The following MAST4 variants were observed in gnomAD, a reference collection of about 807,000 sequenced individuals.
MAST4 encodes microtubule associated serine/threonine kinase family member 4.
Under a neutral mutation model 162.7 loss-of-function variants are expected in MAST4, and 89 were observed. The observed-to-expected ratio is 0.55, with a 90% confidence interval of 0.46 to 0.65. The LOEUF is 0.65. Among genes scored for constraint, MAST4 ranks in the 30% least tolerant of loss-of-function variants. The probability of loss-of-function intolerance (pLI) is 0.00; values close to 1 mark genes in which losing one functional copy is unlikely to be tolerated. For missense variants in MAST4, 3,153 were observed against 3,374.0 expected, an observed-to-expected ratio of 0.93 and a Z score of 1.62; for synonymous variants, 1,479 against 1,361.1, an observed-to-expected ratio of 1.09 and a Z score of -1.91.
intron 2 of MAST4, 63 bp from the exon 3 acceptor site, chr5:66,788,607 C>CCAAAAAAAA: frequency 2.2e-6 from 3 of 1,373,718 alleles, no homozygotes; most frequent in Non-Finnish European, 2.0e-6. Context: ...CCCCCACCCC[C>CCAAAAAAAA]ATTGCAATAA....
chr5:67,031,065 AT>A (rs1400672567), intron 4 of MAST4, among the ~76,000 whole-genome samples: 3 of 152,104 alleles, frequency 2.0e-5, no homozygotes, highest in African/African-American at 7.2e-5. Flanking sequence ...CACATAGGAT[AT>A]TTTTTTCCTA....
chr5:66,995,424 GAC>G (rs1750518047), intron 4 of MAST4, among the ~76,000 whole-genome samples: 1 of 152,094 alleles, frequency 6.6e-6, no homozygotes, highest in Non-Finnish European at 1.5e-5. Context: ...TTGTTTTTGA[GAC>G]AGAGTCTCAC....
chr5:66,924,699 A>T (rs1350552175), intron 4 of MAST4, among the ~76,000 whole-genome samples: 1 of 152,194 alleles, frequency 6.6e-6, no homozygotes, highest in Non-Finnish European at 1.5e-5. Context: ...GGCCTGTAGA[A>T]AATAATTTAA....
intron 4 of MAST4, among the ~76,000 whole-genome samples, chr5:66,971,381 G>T (rs920067745): frequency 1.7e-4 from 26 of 152,198 alleles, no homozygotes; most frequent in African/African-American, 6.3e-4. Flanking sequence ...CTCAGCCTGG[G>T]CCAGCCTGCT....
chr5:66,661,057 T>C (rs183595861), intron 1 of MAST4, among the ~76,000 whole-genome samples: 116 of 152,308 alleles, frequency 7.6e-4, no homozygotes, highest in African/African-American at 2.4e-3. Flanking sequence ...GGGAGAGTAG[T>C]ATTTCCTCTG....
intron 4 of MAST4, among the ~76,000 whole-genome samples, chr5:67,019,726 G>T (rs561788845): frequency 2.0e-5 from 3 of 152,246 alleles, no homozygotes; most frequent in Non-Finnish European, 4.4e-5. Flanking sequence ...AAACTCTAAA[G>T]ATGTGAAGAA....
intron 3 of MAST4, chr5:66,792,453 A>G (rs943485284): frequency 6.1e-6 from 1 of 164,788 alleles, no homozygotes; most frequent in African/African-American, 2.4e-5. Context: ...TTTACTTTCT[A>G]CTTTTCACTG....
chr5:66,601,824 A>G (rs146278826), intron 1 of MAST4, among the ~76,000 whole-genome samples: 1 of 152,248 alleles, frequency 6.6e-6, no homozygotes, highest in East Asian at 1.9e-4. Context: ...ACATGATCAG[A>G]TTTGTATTTT....
intron 3 of MAST4, among the ~76,000 whole-genome samples, chr5:66,846,611 C>A (rs961653729): frequency 6.6e-6 from 1 of 152,056 alleles, no homozygotes; most frequent in African/African-American, 2.4e-5. Context: ...GTATGTAATT[C>A]TATCAGAAGA....
rs1026105608 is a variant in MAST4, at chr5:67,039,987, G to A, written c.675-14417G>A. 1.8e-3 allele frequency among the ~76,000 whole-genome samples: 266 copies of A among 150,210 alleles called. 1 individual carries two copies. Among genetic ancestry groups the A allele is most frequent in the African/African-American group, 6.2e-3 (254 of 41,032 alleles). Reference sequence around the variant, plus strand: ...TATATATATATATATATATGTGTGTGTATATATATATAATATAAACTTATC... The same window carrying A: ...TATATATATATATATATATGTGTGTATATATATATATAATATAAACTTATC... On this transcript the variant is annotated intron_variant, in intron 4 of 28. Coordinates refer to ENST00000403625, the MANE Select transcript of MAST4 (RefSeq NM_001164664.2).
At chr5:67,057,475 G>T (rs1306417895) in intron 5 of MAST4, among the ~76,000 whole-genome samples, 1 of 151,920 alleles carries the variant, frequency 6.6e-6, no homozygotes, top group East Asian at 1.9e-4. Flanking sequence ...GGTGTCAGCA[G>T]TGCTCTGGGG....
At position 67,144,650 on chromosome 5, in the gene MAST4, C is replaced by T. The variant is rs79762765; in HGVS notation, c.2731-19C>T. 5.0e-6 allele frequency: 8 copies of T among 1,611,378 alleles called. No homozygotes were observed. Among genetic ancestry groups the T allele is most frequent in the Non-Finnish European group, 6.8e-6 (8 of 1,178,834 alleles). On this transcript the variant is annotated intron_variant, in intron 21 of 28. Coordinates refer to ENST00000403625, the MANE Select transcript of MAST4 (RefSeq NM_001164664.2). ...TCTTTTTAGTAGATATTAATAAGCACCAATTATTTGCCTTCCAGGTTTTCA... is the reference window on the plus strand; with the variant it reads ...TCTTTTTAGTAGATATTAATAAGCATCAATTATTTGCCTTCCAGGTTTTCA...
At chr5:66,819,056 T>C (rs1042983340) in intron 3 of MAST4, among the ~76,000 whole-genome samples, 9 of 152,128 alleles carry the variant, frequency 5.9e-5, no homozygotes, top group African/African-American at 2.2e-4. Flanking sequence ...TTGCTTACCG[T>C]GTGATGTGAT....
At chr5:67,134,411 C>T in intron 17 of MAST4, 112 bp from the exon 18 acceptor site, 2 of 787,470 alleles carry the variant, frequency 2.5e-6, no homozygotes, top group Admixed American at 2.8e-5. Flanking sequence ...CCATGTGGTT[C>T]CATGTGGTTG....
chr5:67,115,853 TA>T (rs1766836118), intron 12 of MAST4, among the ~76,000 whole-genome samples: 1 of 152,156 alleles, frequency 6.6e-6, no homozygotes, highest in East Asian at 1.9e-4. Flanking sequence ...AAATTCTATT[TA>T]AAACAGAACC....
intron 25 of MAST4, 129 bp from the exon 26 acceptor site, chr5:67,153,329 G>A (rs1444039592): frequency 7.5e-5 from 70 of 934,082 alleles, no homozygotes; most frequent in Middle Eastern, 2.9e-4. Context: ...AATAGTAAAC[G>A]TACCTGTTAG....
chr5:66,656,709 T>A (rs1746574404), intron 1 of MAST4, among the ~76,000 whole-genome samples: 1 of 152,240 alleles, frequency 6.6e-6, no homozygotes, highest in Non-Finnish European at 1.5e-5. Flanking sequence ...CTTTTTGCAT[T>A]GCAAGCGCAC....
At chr5:66,957,422 C>T (rs923071820) in intron 4 of MAST4, among the ~76,000 whole-genome samples, 2 of 152,066 alleles carry the variant, frequency 1.3e-5, no homozygotes, top group African/African-American at 4.8e-5. Context: ...ACCGTCTTCC[C>T]GCCTCAACCT....
chr5:66,934,331 T>C (rs961077099), intron 4 of MAST4, among the ~76,000 whole-genome samples: 8 of 152,118 alleles, frequency 5.3e-5, no homozygotes, highest in Admixed American at 5.2e-4. Flanking sequence ...TTCCATGGTA[T>C]TCCATAATAT....
Sources: allele counts gnomAD v4.1 joint callset (sites outside exome capture counted in the v4.1 genomes callset), GRCh38; gene constraint gnomAD v4.1.1; transcripts MANE v1.5; gene names NCBI Gene and HGNC (gene_info 2026-07-23, HGNC 2026-07-21).